The following CDH18 variants were observed in gnomAD, a reference collection of about 807,000 sequenced individuals.
CDH18 encodes the protein cadherin 18, also known as cadherin-18.
In CDH18, 31 loss-of-function variants were observed where a neutral mutation model predicts 67.9. The observed-to-expected ratio is 0.46, with a 90% CI of 0.34 to 0.62. The LOEUF (loss-of-function observed/expected upper bound fraction) is 0.62. CDH18 is among the 20% of genes least tolerant of loss of function. CDH18 has a pLI of 0.01. For missense variants in CDH18, 890 were observed against 975.5 expected, an observed-to-expected ratio of 0.91 and a Z score of 1.17; for synonymous variants, 362 against 347.2, an observed-to-expected ratio of 1.04 and a Z score of -0.48.
At chr5:19,639,163 T>C (rs536130491) in intron 5 of CDH18, among the ~76,000 whole-genome samples, 4 of 151,890 alleles carry the variant, frequency 2.6e-5, no homozygotes, top group South Asian at 4.2e-4. Flanking sequence ...CCACCATGCC[T>C]GGCTAATTTT....
At chr5:19,556,098 C>T (rs891540592) in intron 8 of CDH18, among the ~76,000 whole-genome samples, 1 of 152,194 alleles carries the variant, frequency 6.6e-6, no homozygotes, top group Non-Finnish European at 1.5e-5. Context: ...AAGGAAACAT[C>T]CTGTGGGAGA....
intron 3 of CDH18, among the ~76,000 whole-genome samples, chr5:19,762,225 A>G (rs750375855): frequency 1.3e-4 from 20 of 152,224 alleles, no homozygotes; most frequent in Non-Finnish European, 2.8e-4. Flanking sequence ...TGGCAACAAA[A>G]GACAAAATAG....
intron 2 of CDH18, among the ~76,000 whole-genome samples, chr5:20,020,091 A>G (rs1283093689): frequency 6.6e-6 from 1 of 152,164 alleles, no homozygotes; most frequent in East Asian, 1.9e-4. Context: ...TTTGAACTTC[A>G]GAGAGATGAT....
chr5:19,854,567 C>T (rs531043369), intron 2 of CDH18, among the ~76,000 whole-genome samples: 1 of 151,868 alleles, frequency 6.6e-6, no homozygotes, highest in African/African-American at 2.4e-5. Context: ...ATACTTAGCA[C>T]TATGTAAAAT....
At chr5:20,146,989 A>C (rs1750698638) in intron 2 of CDH18, among the ~76,000 whole-genome samples, 1 of 152,146 alleles carries the variant, frequency 6.6e-6, no homozygotes, top group African/African-American at 2.4e-5. Flanking sequence ...CTTTATTTTC[A>C]GAAGTATGCC....
At chr5:19,870,799 T>C (rs1186585870) in intron 2 of CDH18, among the ~76,000 whole-genome samples, 1 of 152,188 alleles carries the variant, frequency 6.6e-6, no homozygotes, top group Non-Finnish European at 1.5e-5. Context: ...TGCATAAATG[T>C]AGAAATTATG....
At chr5:19,516,555 A>G (rs1006887101) in intron 10 of CDH18, among the ~76,000 whole-genome samples, 4 of 152,104 alleles carry the variant, frequency 2.6e-5, no homozygotes, top group Admixed American at 6.6e-5. Flanking sequence ...CAGCGATTCA[A>G]CATCTTCCTG....
intron 2 of CDH18, among the ~76,000 whole-genome samples, chr5:19,903,567 T>TATATA: frequency 1.2e-5 from 1 of 83,810 alleles, no homozygotes; most frequent in Admixed American, 1.2e-4. Context: ...ATATATATAT[T>TATATA]TGTTGAGCCT....
intron 5 of CDH18, among the ~76,000 whole-genome samples, chr5:19,616,378 G>A (rs537791749): frequency 2.7e-4 from 41 of 151,830 alleles, no homozygotes; most frequent in Non-Finnish European, 4.7e-4. Flanking sequence ...CAGAATGATC[G>A]TTTTAATTAA....
intron 12 of CDH18, among the ~76,000 whole-genome samples, chr5:19,476,455 CT>C (rs1430864684): frequency 6.6e-6 from 1 of 151,892 alleles, no homozygotes; most frequent in African/African-American, 2.4e-5. Flanking sequence ...GTAAAAAAGG[CT>C]TTTGCTGAAC....
intron 2 of CDH18, among the ~76,000 whole-genome samples, chr5:19,919,318 C>A (rs1792182113): frequency 6.6e-6 from 1 of 152,210 alleles, no homozygotes. Flanking sequence ...TTAAATATTT[C>A]TTTGAGCTCT....
At chr5:19,712,349 G>A (rs1035260599) in intron 5 of CDH18, among the ~76,000 whole-genome samples, 3 of 152,016 alleles carry the variant, frequency 2.0e-5, no homozygotes, top group African/African-American at 2.4e-5. Flanking sequence ...AAAGCACTCA[G>A]GGAGGCCTGG....
chr5:19,773,083 C>T (rs921863142), intron 3 of CDH18, among the ~76,000 whole-genome samples: 1 of 152,084 alleles, frequency 6.6e-6, no homozygotes, highest in African/African-American at 2.4e-5. Flanking sequence ...TACCTACATA[C>T]ATAATCATAG....
At chr5:19,762,196 T>C (rs1014976274) in intron 3 of CDH18, among the ~76,000 whole-genome samples, 3 of 152,050 alleles carry the variant, frequency 2.0e-5, no homozygotes, top group African/African-American at 7.2e-5. Flanking sequence ...GGACTTCATG[T>C]CTAAAACACC....
chr5:20,447,054 G>A (rs1750058149), intron 1 of CDH18, among the ~76,000 whole-genome samples: 1 of 151,958 alleles, frequency 6.6e-6, no homozygotes, highest in Admixed American at 6.6e-5. Context: ...AAATGTGGAA[G>A]CTTCCTATAA....
intron 6 of CDH18, among the ~76,000 whole-genome samples, chr5:19,604,676 ATAAAG>A (rs1048690818): frequency 6.6e-6 from 1 of 152,084 alleles, no homozygotes; most frequent in African/African-American, 2.4e-5. Context: ...TAAAACATAA[ATAAAG>A]TAAATTTAAG....
At chr5:19,674,515 C>A (rs768021701) in intron 5 of CDH18, among the ~76,000 whole-genome samples, 1 of 151,946 alleles carries the variant, frequency 6.6e-6, no homozygotes, top group African/African-American at 2.4e-5. Context: ...TTAATATTAA[C>A]TATATGCATC....
chr5:20,210,642 TA>T, intron 2 of CDH18, among the ~76,000 whole-genome samples: 1 of 152,094 alleles, frequency 6.6e-6, no homozygotes, highest in Non-Finnish European at 1.5e-5. Context: ...TCTTGGATTT[TA>T]TTTTATATCC....
intron 1 of CDH18, among the ~76,000 whole-genome samples, chr5:20,275,800 G>C (rs1359251985): frequency 6.6e-6 from 1 of 152,174 alleles, no homozygotes; most frequent in Non-Finnish European, 1.5e-5. Flanking sequence ...GAATGGGATA[G>C]GAAAGACAGT....
Sources: gnomAD v4.1 joint callset for allele counts (sites outside exome capture counted in the v4.1 genomes callset) on GRCh38, gnomAD v4.1.1 for gene constraint, MANE v1.5 for transcripts, NCBI Gene and HGNC (gene_info 2026-07-23, HGNC 2026-07-21) for gene names.